Variants in ABAT observed in about 807,000 individuals in gnomAD.
The protein encoded by ABAT is 4-aminobutyrate aminotransferase, mitochondrial.
In ABAT, 45 loss-of-function variants were observed where a neutral mutation model predicts 64.6. The ratio of observed to expected loss-of-function variants is 0.70; its 90% confidence interval spans 0.55 to 0.89. ABAT has a LOEUF of 0.89. Among genes scored for constraint, ABAT ranks in the 40% least tolerant of loss-of-function variants. The pLI is 0.00. For missense variants in ABAT, 633 were observed against 658.4 expected (o/e 0.96, Z 0.42); for synonymous variants, 297 against 250.5 (o/e 1.19, Z -1.75).
intron 1 of ABAT, among the ~76,000 whole-genome samples, chr16:8,724,518 G>T (rs185328676): frequency 2.6e-4 from 40 of 152,222 alleles, no homozygotes; most frequent in Non-Finnish European, 5.3e-4. Flanking sequence ...GACTGCTTGA[G>T]CCCAGGAGTT....
At chr16:8,711,877 T>C (rs4984995) in intron 1 of ABAT, among the ~76,000 whole-genome samples, 75,048 of 151,550 alleles carry the variant, frequency 0.5, 20,409 homozygotes, top group East Asian at 0.77. Flanking sequence ...GAAGGATAGA[T>C]GGATGAATGA....
At chr16:8,749,386 C>CCTTTT (rs2059416157) in intron 4 of ABAT, among the ~76,000 whole-genome samples, 1 of 31,980 alleles carries the variant, frequency 3.1e-5, no homozygotes, top group Non-Finnish European at 5.5e-5. Context: ...CGCACCCGGC[C>CCTTTT]TTTTTTTTTT....
At position 8,773,053 on chromosome 16, in the gene ABAT, G is replaced by A. The variant is rs571809555; in HGVS notation, c.954+136G>A. The stretch of plus-strand genomic sequence containing the variant: ...TTGCAGAGGCTGTCTGTCAGCATCA[G>A]GGGTGGAGAAGTTGGGGTTGGTGAA... On this transcript the variant is annotated intron_variant, in intron 12 of 15. Coordinates refer to ENST00000268251, the MANE Select transcript of ABAT (RefSeq NM_020686.6). 9 of 1,170,456 alleles carry A rather than the reference G, an allele frequency of 7.7e-6. No individual in the cohort carries two copies. The South Asian group carries it at 1.1e-4, about 15-fold the overall frequency. 72.5% of individuals were successfully genotyped at this position (1,170,456 alleles called of 1,614,324 possible). A position where few individuals can be genotyped will look rare whatever the true frequency, so the allele number is the denominator to read the frequency against.
intron 5 of ABAT, among the ~76,000 whole-genome samples, chr16:8,753,363 A>G (rs1290800032): frequency 2.0e-5 from 3 of 152,106 alleles, no homozygotes; most frequent in East Asian, 3.9e-4. Flanking sequence ...CCAAAGTGCT[A>G]GGAATACAGG....
At position 8,781,595 on chromosome 16, in the gene ABAT, A is replaced by C; in HGVS notation, c.*165A>C. 2.0e-5 allele frequency: 9 copies of C among 453,444 alleles called. No individual in the cohort carries two copies. The highest frequency in any genetic ancestry group is 7.4e-5 in the Admixed American group (3 of 40,308). 28.1% of individuals were successfully genotyped at this position (453,444 alleles called of 1,614,324 possible). ...TGGTGGTCTTGGGGGAGGGGAGGGG[A>C]GGGAAGGGCTGGTGTTGATTTTCCT... On this transcript the variant is annotated 3_prime_UTR_variant, in exon 16 of 16. Transcript: ENST00000268251. The surrounding 1 kb of genome is among the most constrained non-coding windows in gnomAD (Gnocchi z 4.5).
intron 1 of ABAT, among the ~76,000 whole-genome samples, chr16:8,724,738 AAAAAAAAC>A (rs1273381670): frequency 0.25 from 1,847 of 7,480 alleles, 237 homozygotes; most frequent in East Asian, 0.53. Context: ...CAGGAAAAAA[AAAAAAAAC>A]AAAAAAAAAA....
chr16:8,718,123 A>T (rs1433207761), intron 1 of ABAT, among the ~76,000 whole-genome samples: 3 of 152,148 alleles, frequency 2.0e-5, no homozygotes, highest in Admixed American at 1.3e-4. Flanking sequence ...CCTCAGTCTC[A>T]TAGCGCTGAT....
In ABAT at chr16:8,682,818, T is replaced by G. The variant is rs1730945; in HGVS notation, c.-42+8107T>G. On this transcript the variant is annotated intron_variant, in intron 1 of 15. Coordinates refer to ENST00000268251, the MANE Select transcript of ABAT (RefSeq NM_020686.6). ...GTCCAGCGGCCAGCAGCATTGCATC[T>G]TCTAGGAGCTAGCTAGAAATGCAGA... Among the ~76,000 whole-genome samples, 4 of 152,006 alleles carry G rather than the reference T, an allele frequency of 2.6e-5. No homozygotes were observed. In the South Asian group the frequency reaches 8.3e-4, roughly 31 times the overall value.
intron 1 of ABAT, among the ~76,000 whole-genome samples, chr16:8,677,965 G>C (rs906468743): frequency 6.6e-6 from 1 of 152,008 alleles, no homozygotes; most frequent in Non-Finnish European, 1.5e-5. Flanking sequence ...AGGCTGAGGT[G>C]GGGGGATTGC....
At chr16:8,725,839 T>A (rs988591580) in intron 1 of ABAT, among the ~76,000 whole-genome samples, 2 of 152,158 alleles carry the variant, frequency 1.3e-5, no homozygotes, top group African/African-American at 4.8e-5. Context: ...ATGCCAACTC[T>A]AGGACTGAGG....
intron 1 of ABAT, among the ~76,000 whole-genome samples, chr16:8,707,350 G>A (rs964937641): frequency 1.3e-4 from 9 of 69,102 alleles, no homozygotes; most frequent in Non-Finnish European, 2.8e-4. Context: ...CCATGCCAGG[G>A]TAATTTTTTT....
chr16:8,693,334 CTT>C (rs1555484046), intron 1 of ABAT, among the ~76,000 whole-genome samples: 1 of 152,100 alleles, frequency 6.6e-6, no homozygotes, highest in Non-Finnish European at 1.5e-5. Context: ...CACAGTTTGT[CTT>C]TGAGTTTTTC....
At chr16:8,732,656 A>C (rs1467924137) in intron 1 of ABAT, among the ~76,000 whole-genome samples, 1 of 151,418 alleles carries the variant, frequency 6.6e-6, no homozygotes, top group African/African-American at 2.5e-5. Context: ...CCGATTTCTC[A>C]ATCTTTTCCC....
At chr16:8,713,454 TCTCC>T (rs2058124445) in intron 1 of ABAT, 1 of 172,356 alleles carries the variant, frequency 5.8e-6, no homozygotes. Context: ...TGTTTATCGC[TCTCC>T]TTCTGCCTCT....
chr16:8,757,889 C>A, intron 6 of ABAT, 83 bp downstream of exon 6: 3 of 1,420,376 alleles, frequency 2.1e-6, no homozygotes, highest in South Asian at 1.2e-5. Flanking sequence ...TGGCAATAGT[C>A]CTTTCATTCA....
At chr16:8,733,800 G>A (rs1257788366) in intron 1 of ABAT, among the ~76,000 whole-genome samples, 1 of 147,406 alleles carries the variant, frequency 6.8e-6, no homozygotes, top group Non-Finnish European at 1.5e-5. Flanking sequence ...CAGCATGAGA[G>A]GGAGACCGTG....
At chr16:8,759,974 C>T (rs1176971215) in intron 6 of ABAT, among the ~76,000 whole-genome samples, 1 of 152,184 alleles carries the variant, frequency 6.6e-6, no homozygotes, top group East Asian at 1.9e-4. Context: ...GACTGTGTAT[C>T]CTCATGGCTT....
intron 1 of ABAT, among the ~76,000 whole-genome samples, chr16:8,714,039 T>A (rs2058143132): frequency 6.6e-6 from 1 of 152,208 alleles, no homozygotes; most frequent in African/African-American, 2.4e-5. Context: ...CACATGTGCC[T>A]GGCTCTCTGT....
At chr16:8,721,272 C>T (rs999054164) in intron 1 of ABAT, among the ~76,000 whole-genome samples, 1 of 152,144 alleles carries the variant, frequency 6.6e-6, no homozygotes, top group African/African-American at 2.4e-5. Context: ...AGGCTTTTTT[C>T]TCCCTGTATC....
Sources: allele counts gnomAD v4.1 joint callset (sites outside exome capture counted in the v4.1 genomes callset), GRCh38; gene constraint gnomAD v4.1.1; non-coding constraint Gnocchi (gnomAD v3.1); transcripts MANE v1.5; gene names NCBI Gene and HGNC (gene_info 2026-07-23, HGNC 2026-07-21).